Variants in REEP1 observed in about 807,000 individuals in gnomAD.
The protein encoded by REEP1 is receptor accessory protein 1, also known as receptor expression-enhancing protein 1.
A neutral mutation model predicts 40.3 loss-of-function variants in REEP1; 22 were observed. The observed-to-expected ratio is 0.55, with a 90% CI of 0.39 to 0.78. The LOEUF (loss-of-function observed/expected upper bound fraction) is 0.78. Ranked by LOEUF, REEP1 falls within the 30% of genes least tolerant of loss-of-function variation. The pLI is 0.00. For synonymous variants in REEP1, 116 were observed against 139.2 expected (o/e 0.83, Z 1.17); for missense variants, 280 against 361.1 (o/e 0.78, Z 1.82).
In REEP1 at chr2:86,285,595, G is replaced by A. The variant is rs114299290; in HGVS notation, c.33-3353C>T. On this transcript the variant is annotated intron_variant, in intron 1 of 8. Coordinates refer to ENST00000538924, the MANE Select transcript of REEP1 (RefSeq NM_001371279.1). The stretch of plus-strand genomic sequence containing the variant: ...CTTACCCAAGGAGACACATCAGCCA[G>A]GTGCAGAGCTGGGATCTGAACCCAG... Among the ~76,000 whole-genome samples the A allele has an allele frequency of 7.4e-3, 1,134 of 152,256 alleles. 21 individuals carry two copies. Among genetic ancestry groups the A allele is most frequent in the African/African-American group, 0.025 (1,043 of 41,544 alleles).
At chr2:86,289,477 C>CT (rs912430618) in intron 1 of REEP1, among the ~76,000 whole-genome samples, 18 of 151,450 alleles carry the variant, frequency 1.2e-4, no homozygotes, top group Middle Eastern at 3.4e-3. Context: ...CTTGGCCATT[C>CT]TTTTTTTTTA....
chr2:86,254,133 A>G (rs1004082551), intron 4 of REEP1, among the ~76,000 whole-genome samples: 1 of 152,240 alleles, frequency 6.6e-6, no homozygotes, highest in Non-Finnish European at 1.5e-5. Flanking sequence ...AAATCTCAGG[A>G]TACAAACATT....
intron 5 of REEP1, among the ~76,000 whole-genome samples, chr2:86,247,451 C>A (rs567045144): frequency 6.6e-6 from 1 of 152,108 alleles, no homozygotes; most frequent in Non-Finnish European, 1.5e-5. Flanking sequence ...ATAATCCCAG[C>A]TACTTGGAAT....
At chr2:86,325,053 T>C (rs1680441174) in intron 1 of REEP1, among the ~76,000 whole-genome samples, 1 of 152,168 alleles carries the variant, frequency 6.6e-6, no homozygotes, top group African/African-American at 2.4e-5. Flanking sequence ...TAATTACTTT[T>C]TGCAAATCAA....
intron 4 of REEP1, among the ~76,000 whole-genome samples, chr2:86,253,770 T>C (rs1416906271): frequency 2.6e-5 from 4 of 152,256 alleles, no homozygotes; most frequent in Non-Finnish European, 5.9e-5. Flanking sequence ...TCCCAAAGCC[T>C]TCCCCTTTCT....
intron 3 of REEP1, among the ~76,000 whole-genome samples, chr2:86,261,667 T>C (rs907000502): frequency 6.6e-6 from 1 of 152,146 alleles, no homozygotes; most frequent in Non-Finnish European, 1.5e-5. Context: ...TAGTCTGAAA[T>C]ATGGCCTCAT....
intron 2 of REEP1, among the ~76,000 whole-genome samples, chr2:86,279,808 G>A (rs759202217): frequency 2.6e-5 from 4 of 152,170 alleles, no homozygotes; most frequent in Admixed American, 6.6e-5. Context: ...GCCACTAAAC[G>A]GAGCACAGCC....
In REEP1 at chr2:86,280,794, G is replaced by C. The variant is rs937828840; in HGVS notation, c.105+1376C>G. 3.3e-5 allele frequency among the ~76,000 whole-genome samples: 5 copies of C among 152,134 alleles called. 1 individual carries two copies. Among genetic ancestry groups the C allele is most frequent in the Admixed American group, 2.0e-4 (3 of 15,278 alleles). Reference sequence around the variant, plus strand: ...AAAGTGGGAGATTGCGGGGTGGGGTGGGGGGTGAGTTCTGGTTGCAGTTGA... The same window carrying C: ...AAAGTGGGAGATTGCGGGGTGGGGTCGGGGGTGAGTTCTGGTTGCAGTTGA... On this transcript the variant is annotated intron_variant, in intron 2 of 8. Transcript: ENST00000538924.
chr2:86,266,971 C>T (rs1300417584), intron 2 of REEP1, among the ~76,000 whole-genome samples: 1 of 151,240 alleles, frequency 6.6e-6, no homozygotes, highest in Non-Finnish European at 1.5e-5. Context: ...TGGGCTACTG[C>T]ACTCCAGCCT....
chr2:86,264,779 A>G (rs1375225940), intron 2 of REEP1, among the ~76,000 whole-genome samples: 2 of 152,232 alleles, frequency 1.3e-5, no homozygotes, highest in Non-Finnish European at 2.9e-5. Flanking sequence ...AAATATTTCA[A>G]AACAACTGTT....
chr2:86,273,447 C>A (rs1478133503), intron 2 of REEP1, among the ~76,000 whole-genome samples: 12 of 151,946 alleles, frequency 7.9e-5, no homozygotes, highest in Non-Finnish European at 1.8e-4. Flanking sequence ...CCAAGGCTGG[C>A]CAGTTTTTTT....
At chr2:86,265,295 T>C (rs984464721) in intron 2 of REEP1, among the ~76,000 whole-genome samples, 1 of 152,230 alleles carries the variant, frequency 6.6e-6, no homozygotes, top group African/African-American at 2.4e-5. Context: ...AGGGGTTTGG[T>C]AAGCATTTGG....
chr2:86,300,109 A>C (rs1428177285), intron 1 of REEP1, among the ~76,000 whole-genome samples: 1 of 152,228 alleles, frequency 6.6e-6, no homozygotes, highest in Non-Finnish European at 1.5e-5. Flanking sequence ...GAACCTCTGC[A>C]CATACAGGAA....
Position 86,277,232 on chromosome 2 carries a change from G to A in REEP1, c.105+4938C>T, listed in dbSNP as rs559224005. 2.0e-5 allele frequency among the ~76,000 whole-genome samples: 3 copies of A among 152,240 alleles called. No homozygotes were observed. In the East Asian group the frequency reaches 5.8e-4, roughly 29 times the overall value. ...ATGGAAGTCAAACAGCCTTGGGGGG[G>A]CCTCCTAGTACTGTCTTGTTCAGGG... On this transcript the variant is annotated intron_variant, in intron 2 of 8. Transcript: ENST00000538924.
intron 2 of REEP1, among the ~76,000 whole-genome samples, chr2:86,264,667 C>G (rs887370759): frequency 6.6e-6 from 1 of 152,204 alleles, no homozygotes; most frequent in African/African-American, 2.4e-5. Flanking sequence ...CCTGCAGAAT[C>G]AAGTCCAGAT....
At chr2:86,284,413 G>T (rs888161108) in intron 1 of REEP1, among the ~76,000 whole-genome samples, 8 of 152,176 alleles carry the variant, frequency 5.3e-5, no homozygotes, top group Admixed American at 1.3e-4. Context: ...CTGCACAGCA[G>T]GAAGGGCTCA....
chr2:86,317,161 G>A (rs1484633637), intron 1 of REEP1, among the ~76,000 whole-genome samples: 3 of 152,004 alleles, frequency 2.0e-5, no homozygotes, highest in Admixed American at 6.6e-5. Flanking sequence ...CCACACAGCC[G>A]ACCCGGACTC....
intron 2 of REEP1, among the ~76,000 whole-genome samples, chr2:86,266,932 AG>A (rs890559783): frequency 9.3e-5 from 14 of 151,120 alleles, no homozygotes; most frequent in Non-Finnish European, 4.4e-5. Context: ...GCATGAACCC[AG>A]GGGGAAGAGG....
In REEP1 at chr2:86,215,349, C is replaced by G. The variant is rs1674050344; in HGVS notation, c.*1690G>C. The G allele has an allele frequency of 6.6e-6, 1 of 152,162 alleles. No individual in the cohort carries two copies. The highest frequency in any genetic ancestry group is 2.4e-5 in the African/African-American group (1 of 41,428). The allele number at this position is 152,162 out of a possible 1,614,324, so 9.4% of individuals were successfully genotyped here. The stretch of plus-strand genomic sequence containing the variant: ...AATATGCATATCTGGCAACAATCAG[C>G]TTCAAATCAAACCCTTTCTGGGGTG... On this transcript the variant is annotated 3_prime_UTR_variant, in exon 9 of 9. Coordinates refer to ENST00000538924, the MANE Select transcript of REEP1 (RefSeq NM_001371279.1).
Sources: allele counts gnomAD v4.1 joint callset (sites outside exome capture counted in the v4.1 genomes callset), GRCh38; gene constraint gnomAD v4.1.1; transcripts MANE v1.5; gene names NCBI Gene and HGNC (gene_info 2026-07-23, HGNC 2026-07-21).